HMGB1: variants seen among roughly 807,000 people sequenced by gnomAD.
HMGB1 encodes the protein high mobility group protein B1.
For missense variants in HMGB1, 79 were observed against 253.5 expected, an observed-to-expected ratio of 0.31 and a Z score of 4.67; for synonymous variants, 81 against 84.0, an observed-to-expected ratio of 0.96 and a Z score of 0.19.
chr13:30,474,959 G>GT lies in HMGB1; in HGVS notation c.-14-11266dup, dbSNP rs776923842. On this transcript the variant is annotated intron_variant, in intron 1 of 4. Coordinates refer to the HMGB1 transcript ENST00000405805. ...TCTTTTTTTTTTCTTTTCTTTTTTT[G>GT]TTTTTTTTTTTTTTTTTTTTTTGAG... Among the ~76,000 whole-genome samples the GT allele has an allele frequency of 9.2e-4, 59 of 64,030 alleles. 4 individuals carry two copies. The highest frequency in any genetic ancestry group is 2.8e-3 in the East Asian group (5 of 1,760). The allele number at this position is 64,030 out of a possible 152,430, so 42.0% of individuals were successfully genotyped here. A position where few individuals can be genotyped will look rare whatever the true frequency, so the allele number is the denominator to read the frequency against.
rs538493533 is a variant in HMGB1 at position 30,460,237 on chromosome 13, A to G, written c.*1120T>C. On this transcript the variant is annotated 3_prime_UTR_variant, in exon 5 of 5. Transcript: ENST00000341423. The stretch of plus-strand genomic sequence containing the variant: ...AAGGGGCAAACCGTAATATAGGAAA[A>G]TATACCCTATTTTGAATGTGGCATC... 6.6e-5 allele frequency: 10 copies of G among 152,430 alleles called. No individual in the cohort carries two copies. The highest frequency in any genetic ancestry group is 1.3e-4 in the Non-Finnish European group (9 of 67,932). 9.4% of individuals were successfully genotyped at this position (152,430 alleles called of 1,614,324 possible). A position where few individuals can be genotyped will look rare whatever the true frequency, so the allele number is the denominator to read the frequency against.
At chr13:30,473,855 G>A (rs1355523027) in intron 1 of HMGB1, among the ~76,000 whole-genome samples, 2 of 152,176 alleles carry the variant, frequency 1.3e-5, no homozygotes, top group African/African-American at 4.8e-5. Flanking sequence ...ACACCCAAAT[G>A]CCCATCAACT....
chr13:30,501,364 G>A (rs1168171690), intron 1 of HMGB1, among the ~76,000 whole-genome samples: 7 of 152,064 alleles, frequency 4.6e-5, no homozygotes, highest in Non-Finnish European at 7.4e-5. Flanking sequence ...GTTTAGTTTA[G>A]TTTAGAGACA....
At chr13:30,464,416 A>G (rs573980344) in intron 1 of HMGB1, 13 of 984,784 alleles carry the variant, frequency 1.3e-5, no homozygotes, top group Middle Eastern at 5.2e-4. Context: ...CCCTCCCCCA[A>G]CTCGGGAAGT....
intron 1 of HMGB1, among the ~76,000 whole-genome samples, chr13:30,579,488 T>C (rs968203671): frequency 3.9e-5 from 6 of 152,136 alleles, no homozygotes; most frequent in Non-Finnish European, 8.8e-5. Context: ...ACCTCAGCTA[T>C]AATATAAGTC....
At chr13:30,501,860 C>G (rs1887741715) in intron 1 of HMGB1, among the ~76,000 whole-genome samples, 1 of 152,080 alleles carries the variant, frequency 6.6e-6, no homozygotes, top group Non-Finnish European at 1.5e-5. Flanking sequence ...AAATACAAAT[C>G]AAGTCACTAT....
intron 1 of HMGB1, among the ~76,000 whole-genome samples, chr13:30,483,741 G>A (rs146895694): frequency 1.1e-3 from 160 of 151,432 alleles, no homozygotes; most frequent in Middle Eastern, 3.4e-3. Flanking sequence ...AGCCTCCTGA[G>A]TAGTTGGGGC....
intron 1 of HMGB1, among the ~76,000 whole-genome samples, chr13:30,545,392 T>C (rs1045984798): frequency 6.6e-6 from 1 of 150,618 alleles, no homozygotes; most frequent in African/African-American, 2.4e-5. Context: ...ATATTAATAA[T>C]ATTAATATTA....
intron 1 of HMGB1, chr13:30,553,678 C>G (rs1869536683): frequency 1.2e-6 from 1 of 812,792 alleles, no homozygotes; most frequent in Non-Finnish European, 2.1e-6. Context: ...GCCATGCCCA[C>G]CATCATTGAG....
chr13:30,599,244 G>A (rs963812845), intron 1 of HMGB1, among the ~76,000 whole-genome samples: 4 of 152,262 alleles, frequency 2.6e-5, no homozygotes, highest in East Asian at 1.9e-4. Flanking sequence ...CAAGGTGGGC[G>A]GATCACCTGA....
upstream of HMGB1, among the ~76,000 whole-genome samples, chr13:30,468,646 G>C (rs1005185340): frequency 3.3e-5 from 5 of 152,034 alleles, no homozygotes; most frequent in Admixed American, 1.3e-4. Flanking sequence ...GTTTAACAGA[G>C]ACTATATCAG....
At chr13:30,577,946 G>C (rs985138342) in intron 1 of HMGB1, among the ~76,000 whole-genome samples, 1 of 152,132 alleles carries the variant, frequency 6.6e-6, no homozygotes, top group African/African-American at 2.4e-5. Flanking sequence ...GCATTTCTTA[G>C]AGGCTCCATA....
chr13:30,490,377 T>C (rs1191160775), intron 1 of HMGB1, among the ~76,000 whole-genome samples: 1 of 152,110 alleles, frequency 6.6e-6, no homozygotes, highest in African/African-American at 2.4e-5. Context: ...CCCAGCACTT[T>C]GGGAGGCCGA....
intron 1 of HMGB1, among the ~76,000 whole-genome samples, chr13:30,568,046 C>A (rs1390728113): frequency 6.6e-6 from 1 of 152,154 alleles, no homozygotes; most frequent in East Asian, 1.9e-4. Flanking sequence ...TCTAGTGTTC[C>A]CCCTGGGTGG....
chr13:30,462,347 A>G, intron 4 of HMGB1, 191 bp downstream of exon 4: 1 of 671,896 alleles, frequency 1.5e-6, no homozygotes, highest in Non-Finnish European at 2.7e-6. Flanking sequence ...CCTTTGTCTG[A>G]GTCTGATTAC....
chr13:30,480,106 T>A (rs1343789755), intron 1 of HMGB1, among the ~76,000 whole-genome samples: 1 of 152,214 alleles, frequency 6.6e-6, no homozygotes, highest in African/African-American at 2.4e-5. Context: ...TCTCTCCTTT[T>A]AAATATTTAC....
intron 1 of HMGB1, among the ~76,000 whole-genome samples, chr13:30,493,775 C>T (rs1275807603): frequency 2.6e-5 from 4 of 152,056 alleles, no homozygotes; most frequent in Non-Finnish European, 2.9e-5. Context: ...CCAGCCTGGG[C>T]ATCAAAGCAA....
At chr13:30,479,252 CTCTT>C (rs1233232754) in intron 1 of HMGB1, among the ~76,000 whole-genome samples, 3 of 152,170 alleles carry the variant, frequency 2.0e-5, no homozygotes, top group African/African-American at 7.2e-5. Context: ...CTCTTCTGCT[CTCTT>C]TAAGACCTCA....
intron 1 of HMGB1, among the ~76,000 whole-genome samples, chr13:30,605,114 A>T (rs1950444585): frequency 6.6e-6 from 1 of 152,124 alleles, no homozygotes; most frequent in Non-Finnish European, 1.5e-5. Context: ...ATAGCAGGTA[A>T]ATAGCATGTG....
Sources: gnomAD v4.1 joint callset for allele counts (sites outside exome capture counted in the v4.1 genomes callset) on GRCh38, gnomAD v4.1.1 for gene constraint, MANE v1.5 for transcripts, NCBI Gene and HGNC (gene_info 2026-07-23, HGNC 2026-07-21) for gene names.